ARHGAP24: variants seen among roughly 807,000 people sequenced by gnomAD.
ARHGAP24 encodes the protein Rho GTPase activating protein 24.
Under a neutral mutation model 76.4 loss-of-function variants are expected in ARHGAP24, and 50 were observed. The observed-to-expected ratio is 0.65, with a 90% CI of 0.52 to 0.83. ARHGAP24 has a LOEUF of 0.83. Among genes scored for constraint, ARHGAP24 ranks in the 40% least tolerant of loss-of-function variants. The pLI is 0.00. For missense variants in ARHGAP24, 930 were observed against 914.2 expected, an observed-to-expected ratio of 1.02 and a Z score of -0.22; for synonymous variants, 345 against 323.3, an observed-to-expected ratio of 1.07 and a Z score of -0.72.
intron 2 of ARHGAP24, among the ~76,000 whole-genome samples, chr4:85,610,196 A>G (rs1388873678): frequency 2.0e-5 from 3 of 151,928 alleles, no homozygotes; most frequent in African/African-American, 4.8e-5. Flanking sequence ...CTTAGGAAGC[A>G]CCCTTGGGAA....
At chr4:85,845,999 A>G (rs1730863959) in intron 3 of ARHGAP24, among the ~76,000 whole-genome samples, 1 of 151,796 alleles carries the variant, frequency 6.6e-6, no homozygotes. Context: ...TCCGCCTCCC[A>G]TGTTCAAATG....
intron 3 of ARHGAP24, among the ~76,000 whole-genome samples, chr4:85,857,110 A>G (rs1731623446): frequency 1.3e-5 from 2 of 152,204 alleles, no homozygotes; most frequent in Non-Finnish European, 2.9e-5. Context: ...TCAATATTCA[A>G]CAAGAATTTA....
chr4:85,893,551 G>T (rs1733957276), intron 3 of ARHGAP24, among the ~76,000 whole-genome samples: 1 of 87,838 alleles, frequency 1.1e-5, no homozygotes, highest in Non-Finnish European at 2.3e-5. Context: ...TTTAGGGCAG[G>T]CCTGGTGGTG....
chr4:85,843,159 A>G (rs1461165644), intron 3 of ARHGAP24, among the ~76,000 whole-genome samples: 2 of 152,142 alleles, frequency 1.3e-5, no homozygotes, highest in Non-Finnish European at 2.9e-5. Flanking sequence ...TTTTTAAAAG[A>G]TTAGATTGAT....
intron 3 of ARHGAP24, among the ~76,000 whole-genome samples, chr4:85,789,451 G>A (rs72658219): frequency 0.021 from 3,151 of 152,034 alleles, 46 homozygotes; most frequent in Middle Eastern, 0.041. Context: ...GAGTGAAATG[G>A]CAAGAAAGAT....
At chr4:85,493,619 G>T (rs923075416) in intron 1 of ARHGAP24, among the ~76,000 whole-genome samples, 1 of 151,960 alleles carries the variant, frequency 6.6e-6, no homozygotes, top group Admixed American at 6.6e-5. Flanking sequence ...CATCATTTTT[G>T]AACATTCTTC....
At chr4:85,658,224 C>T (rs1722244261) in intron 2 of ARHGAP24, among the ~76,000 whole-genome samples, 1 of 152,134 alleles carries the variant, frequency 6.6e-6, no homozygotes, top group Admixed American at 6.5e-5. Context: ...AAAATCATCA[C>T]ATTTGGGACC....
At chr4:85,554,985 TTTC>T (rs144168911) in intron 1 of ARHGAP24, among the ~76,000 whole-genome samples, 38,718 of 151,998 alleles carry the variant, frequency 0.25, 6,337 homozygotes, top group East Asian at 0.79. Flanking sequence ...CAGCCAGTTC[TTTC>T]TTATAGTGGC....
At chr4:85,659,649 C>T (rs1442168315) in intron 2 of ARHGAP24, among the ~76,000 whole-genome samples, 1 of 152,054 alleles carries the variant, frequency 6.6e-6, no homozygotes, top group Non-Finnish European at 1.5e-5. Context: ...TTGATGAACA[C>T]ATTATATAAT....
chr4:85,946,766 A>G (rs530427088), intron 5 of ARHGAP24, among the ~76,000 whole-genome samples: 1 of 152,302 alleles, frequency 6.6e-6, no homozygotes, highest in African/African-American at 2.4e-5. Flanking sequence ...TGTCTTTACT[A>G]TTGTGAATAG....
intron 2 of ARHGAP24, among the ~76,000 whole-genome samples, chr4:85,658,554 C>CTAT (rs1722264563): frequency 6.6e-6 from 1 of 152,156 alleles, no homozygotes; most frequent in Non-Finnish European, 1.5e-5. Context: ...AGTAAGCACT[C>CTAT]AATAAATACT....
chr4:85,528,445 G>A (rs1429041437), intron 1 of ARHGAP24, among the ~76,000 whole-genome samples: 1 of 152,050 alleles, frequency 6.6e-6, no homozygotes, highest in African/African-American at 2.4e-5. Context: ...TCTGGTGTTA[G>A]TGTACAATAT....
At chr4:85,627,481 C>G (rs1302459725) in intron 2 of ARHGAP24, among the ~76,000 whole-genome samples, 1 of 152,176 alleles carries the variant, frequency 6.6e-6, no homozygotes, top group Non-Finnish European at 1.5e-5. Context: ...CAGTCTGCAC[C>G]TACTGGTTGG....
intron 1 of ARHGAP24, among the ~76,000 whole-genome samples, chr4:85,519,047 GA>G (rs1002898896): frequency 2.6e-5 from 4 of 151,778 alleles, no homozygotes; most frequent in Non-Finnish European, 4.4e-5. Context: ...ACAAACATAT[GA>G]AAAAAACGCT....
chr4:85,643,596 G>A (rs944752046), intron 2 of ARHGAP24, among the ~76,000 whole-genome samples: 11 of 152,022 alleles, frequency 7.2e-5, no homozygotes, highest in Non-Finnish European at 1.5e-4. Context: ...TCACCTTCTA[G>A]CATACTATAA....
intron 2 of ARHGAP24, among the ~76,000 whole-genome samples, chr4:85,573,673 T>C (rs368314069): frequency 9.2e-5 from 14 of 152,184 alleles, no homozygotes; most frequent in African/African-American, 2.9e-4. Context: ...CCTTGAAAAA[T>C]GTTGAAAGTG....
chr4:85,945,816 G>T (rs1193311483), intron 5 of ARHGAP24, among the ~76,000 whole-genome samples: 4 of 150,178 alleles, frequency 2.7e-5, no homozygotes, highest in Non-Finnish European at 5.9e-5. Flanking sequence ...AATTACTAGA[G>T]ACCTTAATAT....
At chr4:85,481,735 C>T (rs1309334776) in intron 1 of ARHGAP24, among the ~76,000 whole-genome samples, 1 of 152,034 alleles carries the variant, frequency 6.6e-6, no homozygotes, top group Non-Finnish European at 1.5e-5. Context: ...CAGGTGGAGG[C>T]AAAGAGGAGG....
chr4:85,528,393 T>A (rs1409385147), intron 1 of ARHGAP24, among the ~76,000 whole-genome samples: 3 of 152,096 alleles, frequency 2.0e-5, no homozygotes, highest in East Asian at 3.8e-4. Context: ...TGGAGTTTTT[T>A]AAGGAGAAAA....
Sources: gnomAD v4.1 joint callset for allele counts (sites outside exome capture counted in the v4.1 genomes callset) on GRCh38, gnomAD v4.1.1 for gene constraint, MANE v1.5 for transcripts, NCBI Gene and HGNC (gene_info 2026-07-23, HGNC 2026-07-21) for gene names.